HTR1F: variants seen among roughly 807,000 people sequenced by gnomAD.
HTR1F encodes 5-hydroxytryptamine receptor 1F.
A neutral mutation model predicts 24.0 loss-of-function variants in HTR1F; 17 were observed. The observed-to-expected ratio is 0.71, with a 90% CI of 0.48 to 1.06. The LOEUF is 1.06. Ranked by LOEUF, HTR1F falls within the 50% of genes least tolerant of loss-of-function variation. The pLI is 0.00. For synonymous variants in HTR1F, 186 were observed against 156.8 expected, an observed-to-expected ratio of 1.19 and a Z score of -1.39; for missense variants, 391 against 427.8, an observed-to-expected ratio of 0.91 and a Z score of 0.76.
intron 2 of HTR1F, among the ~76,000 whole-genome samples, chr3:87,975,930 C>A (rs370721795): frequency 6.6e-6 from 1 of 152,196 alleles, no homozygotes; most frequent in East Asian, 1.9e-4. Context: ...CCAATTTCAA[C>A]TGACAGCAAT....
intron 1 of HTR1F, among the ~76,000 whole-genome samples, chr3:87,804,284 A>G (rs142558092): frequency 1.3e-5 from 2 of 152,230 alleles, no homozygotes; most frequent in African/African-American, 4.8e-5. Flanking sequence ...TAAAGAATAA[A>G]ATAAAAGCTA....
chr3:87,846,761 C>A (rs1044775687), intron 2 of HTR1F, among the ~76,000 whole-genome samples: 2 of 151,854 alleles, frequency 1.3e-5, no homozygotes, highest in African/African-American at 4.9e-5. Flanking sequence ...TGTTTAAGTA[C>A]AAATTCTTTA....
intron 2 of HTR1F, among the ~76,000 whole-genome samples, chr3:87,850,225 T>C (rs1705052050): frequency 6.6e-6 from 1 of 151,912 alleles, no homozygotes; most frequent in Admixed American, 6.6e-5. Flanking sequence ...CCAACAATGA[T>C]AGACTGGACT....
At chr3:87,943,496 A>T (rs1403290262) in intron 2 of HTR1F, among the ~76,000 whole-genome samples, 5 of 150,586 alleles carry the variant, frequency 3.3e-5, no homozygotes, top group African/African-American at 1.2e-4. Flanking sequence ...ATAATCGGGG[A>T]ATATTGGCAC....
At chr3:87,818,597 C>A (rs1487234558) in intron 1 of HTR1F, among the ~76,000 whole-genome samples, 1 of 152,142 alleles carries the variant, frequency 6.6e-6, no homozygotes, top group Non-Finnish European at 1.5e-5. Context: ...TGGATAGGCT[C>A]CTCCACGGCC....
At chr3:87,883,947 C>T (rs1213131575) in intron 2 of HTR1F, among the ~76,000 whole-genome samples, 1 of 152,142 alleles carries the variant, frequency 6.6e-6, no homozygotes, top group Non-Finnish European at 1.5e-5. Context: ...AGAACTTCCC[C>T]AACCTAGCAA....
intron 2 of HTR1F, among the ~76,000 whole-genome samples, chr3:87,976,611 T>C (rs559958854): frequency 2.0e-5 from 3 of 152,380 alleles, no homozygotes; most frequent in South Asian, 4.1e-4. Context: ...TATATTTTTC[T>C]AAATAATTTA....
intron 2 of HTR1F, among the ~76,000 whole-genome samples, chr3:87,977,899 C>T (rs1705433813): frequency 6.6e-6 from 1 of 152,200 alleles, no homozygotes; most frequent in South Asian, 2.1e-4. Context: ...TACTCAGACC[C>T]ACTGGACTTG....
intron 2 of HTR1F, among the ~76,000 whole-genome samples, chr3:87,972,091 G>C (rs543861886): frequency 6.6e-6 from 1 of 152,226 alleles, no homozygotes; most frequent in East Asian, 1.9e-4. Context: ...ATTAAATAAT[G>C]TTTGAGTGAC....
intron 2 of HTR1F, among the ~76,000 whole-genome samples, chr3:87,895,887 G>A (rs1706186983): frequency 6.6e-6 from 1 of 152,152 alleles, no homozygotes; most frequent in African/African-American, 2.4e-5. Context: ...AAAAAAGACA[G>A]GCAGGGAGAG....
chr3:87,804,563 T>C (rs528184711), intron 1 of HTR1F, among the ~76,000 whole-genome samples: 16 of 152,268 alleles, frequency 1.1e-4, no homozygotes, highest in African/African-American at 2.9e-4. Flanking sequence ...TCCCATTTTA[T>C]TATCTAGAAA....
At chr3:87,945,143 C>T (rs1196128539) in intron 2 of HTR1F, among the ~76,000 whole-genome samples, 5 of 151,894 alleles carry the variant, frequency 3.3e-5, no homozygotes, top group Non-Finnish European at 7.4e-5. Context: ...CCATCTCTCC[C>T]TCTCTCTCCT....
intron 2 of HTR1F, among the ~76,000 whole-genome samples, chr3:87,886,627 A>C (rs1705950974): frequency 6.6e-6 from 1 of 152,208 alleles, no homozygotes; most frequent in Admixed American, 6.5e-5. Flanking sequence ...TAACCTGATA[A>C]GCAACTCAGC....
chr3:87,864,944 G>T (rs1276529063), intron 2 of HTR1F, among the ~76,000 whole-genome samples: 1 of 151,120 alleles, frequency 6.6e-6, no homozygotes, highest in African/African-American at 2.4e-5. Flanking sequence ...AATATATCTG[G>T]AAAACTCATT....
chr3:87,802,976 A>G (rs1369382179), intron 1 of HTR1F, among the ~76,000 whole-genome samples: 5 of 152,130 alleles, frequency 3.3e-5, no homozygotes, highest in Admixed American at 3.3e-4. Context: ...TGACAAGCCA[A>G]GGAGGACCCT....
chr3:87,957,787 A>T (rs1288408014), intron 2 of HTR1F, among the ~76,000 whole-genome samples: 1 of 151,312 alleles, frequency 6.6e-6, no homozygotes, highest in Non-Finnish European at 1.5e-5. Flanking sequence ...GGCTTTTTTA[A>T]ATCAGTCTAA....
intron 2 of HTR1F, among the ~76,000 whole-genome samples, chr3:87,969,661 T>G (rs2107493702): frequency 6.6e-6 from 1 of 152,324 alleles, no homozygotes; most frequent in Admixed American, 6.5e-5. Context: ...GACTTTGGAC[T>G]GTGGACTTTT....
chr3:87,883,679 G>A (rs1310271136), intron 2 of HTR1F, among the ~76,000 whole-genome samples: 3 of 152,152 alleles, frequency 2.0e-5, no homozygotes, highest in South Asian at 2.1e-4. Flanking sequence ...ACCATGGCAC[G>A]AGAACTACGT....
intron 2 of HTR1F, among the ~76,000 whole-genome samples, chr3:87,919,737 C>G (rs1452499515): frequency 1.3e-5 from 2 of 151,798 alleles, no homozygotes; most frequent in African/African-American, 4.8e-5. Flanking sequence ...GGCGTGGATG[C>G]AGTGGACAGG....
Sources: allele counts gnomAD v4.1 joint callset (sites outside exome capture counted in the v4.1 genomes callset), GRCh38; gene constraint gnomAD v4.1.1; transcripts MANE v1.5; gene names NCBI Gene and HGNC (gene_info 2026-07-23, HGNC 2026-07-21).